RIC1: variants seen among roughly 807,000 people sequenced by gnomAD.
The protein encoded by RIC1 is RIC1 partner of RAB6A GEF complex, also known as guanine nucleotide exchange factor subunit RIC1.
RIC1 carries 88 observed loss-of-function variants against 169.0 expected under a neutral mutation model. That is an observed-to-expected ratio of 0.52 (90% CI 0.44 to 0.62). The LOEUF (loss-of-function observed/expected upper bound fraction) is 0.62, where lower values mean the gene tolerates loss of function less well. Among genes scored for constraint, RIC1 ranks in the 20% least tolerant of loss-of-function variants. The pLI is 0.00. For missense variants in RIC1, 1,877 were observed against 1,725.5 expected (o/e 1.09, Z -1.56); for synonymous variants, 790 against 601.5 (o/e 1.31, Z -4.59).
intron 19 of RIC1, chr9:5,765,103 T>G (rs1563719133): frequency 4.9e-6 from 1 of 204,894 alleles, no homozygotes; most frequent in South Asian, 1.6e-4. Context: ...TTTACTTAAC[T>G]CAGTTTCCTC....
At chr9:5,714,154 A>C in intron 4 of RIC1, 151 bp downstream of exon 4, 1 of 462,640 alleles carries the variant, frequency 2.2e-6, no homozygotes, top group Admixed American at 3.7e-5. Flanking sequence ...TTATAAGACA[A>C]TGGAAGTTTT....
chr9:5,768,115 C>A (rs971264032), intron 21 of RIC1, among the ~76,000 whole-genome samples: 1 of 152,216 alleles, frequency 6.6e-6, no homozygotes, highest in African/African-American at 2.4e-5. Flanking sequence ...TTTACCCCAC[C>A]ACTAAACTGC....
chr9:5,732,320 G>A (rs924872865), intron 6 of RIC1, 68 bp from the exon 7 acceptor site: 2 of 1,187,828 alleles, frequency 1.7e-6, no homozygotes, highest in Non-Finnish European at 2.5e-6. Flanking sequence ...TATTGAAGGA[G>A]AATTATATTG....
At chr9:5,764,907 G>C (rs746674682) in intron 19 of RIC1, among the ~76,000 whole-genome samples, 6 of 152,200 alleles carry the variant, frequency 3.9e-5, no homozygotes, top group Non-Finnish European at 7.3e-5. Context: ...AAGATAGGCA[G>C]GTTAAATTTG....
At chr9:5,702,901 A>T (rs571284222) in intron 3 of RIC1, among the ~76,000 whole-genome samples, 2 of 152,330 alleles carry the variant, frequency 1.3e-5, no homozygotes, top group South Asian at 4.1e-4. Flanking sequence ...TCACAAGAAC[A>T]GCACCAAAGG....
At chr9:5,681,442 G>T (rs1820834137) in intron 2 of RIC1, among the ~76,000 whole-genome samples, 1 of 151,714 alleles carries the variant, frequency 6.6e-6, no homozygotes, top group South Asian at 2.1e-4. Flanking sequence ...TGTCCATGTA[G>T]TTGAGTGGTT....
At chr9:5,765,189 A>G (rs1244847660) in intron 19 of RIC1, 2 of 468,920 alleles carry the variant, frequency 4.3e-6, no homozygotes, top group Non-Finnish European at 7.5e-6. Context: ...AAGTATATGT[A>G]TGCTATCTGG....
intron 5 of RIC1, 43 bp downstream of exon 5, chr9:5,720,367 T>C (rs1001869323): frequency 2.6e-6 from 4 of 1,563,610 alleles, no homozygotes; most frequent in Non-Finnish European, 3.5e-6. Context: ...TTGTTTAATG[T>C]TTGATGTCTA....
chr9:5,767,972 C>G (rs933458724), intron 21 of RIC1, among the ~76,000 whole-genome samples: 1 of 152,168 alleles, frequency 6.6e-6, no homozygotes, highest in African/African-American at 2.4e-5. Flanking sequence ...TTAAACAACT[C>G]TATGAGGGTT....
chr9:5,748,017 A>G (rs960486311), intron 12 of RIC1, among the ~76,000 whole-genome samples: 7 of 152,156 alleles, frequency 4.6e-5, no homozygotes, highest in African/African-American at 1.7e-4. Flanking sequence ...ATTCCAAATT[A>G]TTTATTCATT....
chr9:5,764,247 G>C (rs1202265915), intron 19 of RIC1, among the ~76,000 whole-genome samples: 2 of 152,154 alleles, frequency 1.3e-5, no homozygotes, highest in Non-Finnish European at 2.9e-5. Context: ...TGAGATATTA[G>C]TGAGTTTGAG....
Position 5,731,618 on chromosome 9 carries a change from G to C in RIC1, c.721-770G>C, listed in dbSNP as rs76305836. ...CATCTAAAATGTCTGTGATTTGACAGATAGGAGCAAACAACTGAGCTGAAT... is the reference window on the plus strand; with the variant it reads ...CATCTAAAATGTCTGTGATTTGACACATAGGAGCAAACAACTGAGCTGAAT... On this transcript the variant is annotated intron_variant, in intron 6 of 25. Coordinates refer to ENST00000414202, the MANE Select transcript of RIC1 (RefSeq NM_020829.4). Among the ~76,000 whole-genome samples the C allele has an allele frequency of 9.4e-3, 1,431 of 152,240 alleles. 33 individuals carry two copies. Among genetic ancestry groups the C allele is most frequent in the African/African-American group, 0.033 (1,372 of 41,548 alleles).
At chr9:5,760,545 A>G (rs994907175) in intron 17 of RIC1, among the ~76,000 whole-genome samples, 1 of 152,134 alleles carries the variant, frequency 6.6e-6, no homozygotes, top group African/African-American at 2.4e-5. Flanking sequence ...GAAGTGTTTT[A>G]GTGTATGCAG....
chr9:5,649,067 A>T (rs916980432), intron 1 of RIC1, among the ~76,000 whole-genome samples: 5 of 152,166 alleles, frequency 3.3e-5, no homozygotes, highest in African/African-American at 1.2e-4. Context: ...CCAGGGAGGT[A>T]AAGGCTGCAA....
intron 1 of RIC1, among the ~76,000 whole-genome samples, chr9:5,653,376 A>G (rs1818913455): frequency 6.6e-6 from 1 of 152,124 alleles, no homozygotes; most frequent in East Asian, 1.9e-4. Context: ...GTCTTCCAAC[A>G]TTGTCTTCTC....
chr9:5,706,241 C>A (rs567988799), intron 3 of RIC1, among the ~76,000 whole-genome samples: 103 of 152,228 alleles, frequency 6.8e-4, no homozygotes, highest in Non-Finnish European at 1.1e-3. Flanking sequence ...GGGCAGATCA[C>A]GAGGTCAGGA....
chr9:5,752,622 G>C (rs1314175405), intron 12 of RIC1, among the ~76,000 whole-genome samples: 1 of 151,998 alleles, frequency 6.6e-6, no homozygotes, highest in Non-Finnish European at 1.5e-5. Flanking sequence ...TTTTAATAGA[G>C]ACGAGATTTC....
Position 5,775,557 on chromosome 9 carries a change from G to A in RIC1, c.*1311G>A, listed in dbSNP as rs539965333. The stretch of plus-strand genomic sequence containing the variant: ...GATGTATTTGATGTGGACCAAATTC[G>A]TACCACTATCTAAAATAGCCTCTTT... On this transcript the variant is annotated 3_prime_UTR_variant, in exon 26 of 26. Coordinates refer to ENST00000414202, the MANE Select transcript of RIC1 (RefSeq NM_020829.4). 9 of 152,086 alleles carry A rather than the reference G, an allele frequency of 5.9e-5. No homozygotes were observed. The highest frequency in any genetic ancestry group is 5.2e-4 in the Admixed American group (8 of 15,264). The allele number at this position is 152,086 out of a possible 1,614,324, so 9.4% of individuals were successfully genotyped here.
At chr9:5,777,819 A>G (rs1372320612), downstream of RIC1, among the ~76,000 whole-genome samples, 2 of 152,146 alleles carry the variant, frequency 1.3e-5, no homozygotes, top group African/African-American at 4.8e-5. Flanking sequence ...ATTGTATTCT[A>G]ATGATCTATA....
Sources: allele counts gnomAD v4.1 joint callset (sites outside exome capture counted in the v4.1 genomes callset), GRCh38; gene constraint gnomAD v4.1.1; transcripts MANE v1.5; gene names NCBI Gene and HGNC (gene_info 2026-07-23, HGNC 2026-07-21).